MALRD1: variants seen among roughly 807,000 people sequenced by gnomAD.
MALRD1 encodes the protein MAM and LDL-receptor class A domain-containing protein 1.
Under a neutral mutation model 242.1 loss-of-function variants are expected in MALRD1, and 247 were observed. The observed-to-expected ratio is 1.02, with a 90% CI of 0.92 to 1.13. MALRD1 has a LOEUF of 1.13. Among genes scored for constraint, MALRD1 ranks in the 50% most tolerant of loss-of-function variants. The probability of loss-of-function intolerance (pLI) is 0.00; values close to 1 mark genes in which losing one functional copy is unlikely to be tolerated. For missense variants in MALRD1, 2,989 were observed against 2,533.1 expected (o/e 1.18, Z -3.86); for synonymous variants, 995 against 866.6 (o/e 1.15, Z -2.60).
intron 5 of MALRD1, among the ~76,000 whole-genome samples, chr10:19,105,964 G>A (rs1836447764): frequency 6.6e-6 from 1 of 151,754 alleles, no homozygotes; most frequent in South Asian, 2.1e-4. Context: ...TGATCCTGTA[G>A]GTTGTCTCTT....
chr10:19,480,535 TC>T (rs1175955567), intron 29 of MALRD1, among the ~76,000 whole-genome samples: 3 of 152,218 alleles, frequency 2.0e-5, no homozygotes, highest in African/African-American at 7.2e-5. Context: ...GAAGGCATTT[TC>T]GGCATATCAG....
intron 19 of MALRD1, among the ~76,000 whole-genome samples, chr10:19,262,523 G>T (rs1361284285): frequency 6.6e-6 from 1 of 152,002 alleles, no homozygotes; most frequent in East Asian, 1.9e-4. Flanking sequence ...GGGCATGGTG[G>T]CACACACTTG....
Position 19,240,377 on chromosome 10 carries a change from T to C in MALRD1, c.2992-17307T>C, listed in dbSNP as rs550982748. On this transcript the variant is annotated intron_variant, in intron 18 of 39. Transcript: ENST00000454679. Reference sequence around the variant, plus strand: ...AATTTATTTATTATTTCTAGTAGTTTTTGGTCAAGTCTTTAGGGTTCTCAC... The same window carrying C: ...AATTTATTTATTATTTCTAGTAGTTCTTGGTCAAGTCTTTAGGGTTCTCAC... Among the ~76,000 whole-genome samples the C allele has an allele frequency of 8.5e-5, 13 of 152,140 alleles. No individual in the cohort carries two copies. The South Asian group carries it at 2.7e-3, about 32-fold the overall frequency.
At chr10:19,649,317 C>T (rs116718338) in intron 36 of MALRD1, among the ~76,000 whole-genome samples, 6,382 of 152,266 alleles carry the variant, frequency 0.042, 412 homozygotes, top group African/African-American at 0.14. Flanking sequence ...CACCACAGTG[C>T]TTTCCAGAAT....
chr10:19,437,606 T>C (rs2130969442), intron 28 of MALRD1, among the ~76,000 whole-genome samples: 1 of 152,228 alleles, frequency 6.6e-6, no homozygotes, highest in Admixed American at 6.5e-5. Flanking sequence ...GCTTGTCTTT[T>C]CACTCACAAT....
intron 28 of MALRD1, among the ~76,000 whole-genome samples, chr10:19,424,921 C>T (rs1833849791): frequency 6.8e-6 from 1 of 146,870 alleles, no homozygotes; most frequent in Admixed American, 6.8e-5. Flanking sequence ...TCAAAAGAAC[C>T]AAAGAGTGAA....
At chr10:19,552,091 T>C (rs1471465634) in intron 32 of MALRD1, among the ~76,000 whole-genome samples, 1 of 152,152 alleles carries the variant, frequency 6.6e-6, no homozygotes, top group Non-Finnish European at 1.5e-5. Context: ...GGTATCAGGA[T>C]GATGCTGGCC....
intron 8 of MALRD1, among the ~76,000 whole-genome samples, chr10:19,129,212 T>C (rs1837377378): frequency 6.6e-6 from 1 of 152,100 alleles, no homozygotes; most frequent in African/African-American, 2.4e-5. Context: ...AAGCTTCCTA[T>C]TGTGCCTCTT....
At chr10:19,423,187 A>G (rs1461919919) in intron 28 of MALRD1, among the ~76,000 whole-genome samples, 3 of 152,064 alleles carry the variant, frequency 2.0e-5, no homozygotes, top group African/African-American at 7.2e-5. Context: ...TCAGATTGCA[A>G]TTTATATTGT....
chr10:19,398,103 T>G (rs1846668971), intron 28 of MALRD1, among the ~76,000 whole-genome samples: 1 of 152,196 alleles, frequency 6.6e-6, no homozygotes, highest in South Asian at 2.1e-4. Context: ...TTTATACCAT[T>G]CTGTAGATTG....
At chr10:19,104,124 A>G (rs975198881) in intron 5 of MALRD1, 49 bp downstream of exon 5, 1 of 1,027,082 alleles carries the variant, frequency 9.7e-7, no homozygotes. Context: ...TAAAGATTTC[A>G]GTGCAATTTA....
chr10:19,292,074 C>G lies in MALRD1; in HGVS notation c.3419+8893C>G, dbSNP rs530857618. On this transcript the variant is annotated intron_variant, in intron 21 of 39. Transcript: ENST00000454679. ...CTCCAGCCTGGATGACAGAGCAAGACCGTCTCAAAAAAAAAAAAAAAAAAA... is the reference window on the plus strand; with the variant it reads ...CTCCAGCCTGGATGACAGAGCAAGAGCGTCTCAAAAAAAAAAAAAAAAAAA... Among the ~76,000 whole-genome samples, 5 of 105,626 alleles carry G rather than the reference C, an allele frequency of 4.7e-5. No homozygotes were observed. The Admixed American group carries it at 5.0e-4, about 11-fold the overall frequency. 69.3% of individuals were successfully genotyped at this position (105,626 alleles called of 152,430 possible). A position where few individuals can be genotyped will look rare whatever the true frequency, so the allele number is the denominator to read the frequency against.
chr10:19,729,973 G>T (rs11011329), intron 38 of MALRD1, among the ~76,000 whole-genome samples: 2 of 151,672 alleles, frequency 1.3e-5, no homozygotes, highest in Non-Finnish European at 2.9e-5. Flanking sequence ...TCCTGACCTC[G>T]TGATCCGCCC....
chr10:19,171,759 A>G (rs1834977437), intron 13 of MALRD1, among the ~76,000 whole-genome samples: 1 of 132,942 alleles, frequency 7.5e-6, no homozygotes, highest in African/African-American at 2.7e-5. Flanking sequence ...TACGATATAT[A>G]TACACATATA....
intron 19 of MALRD1, among the ~76,000 whole-genome samples, chr10:19,277,819 C>A (rs1840605728): frequency 6.6e-6 from 1 of 152,190 alleles, no homozygotes; most frequent in Non-Finnish European, 1.5e-5. Context: ...GCATGTAAAT[C>A]CCCAGTCCTC....
chr10:19,730,726 A>G lies in MALRD1; in HGVS notation c.6335A>G (p.Asn2112Ser), dbSNP rs1183709429. 1.3e-6 allele frequency: 2 copies of G among 1,536,684 alleles called. No individual in the cohort carries two copies. Among genetic ancestry groups the G allele is most frequent in the Non-Finnish European group, 1.7e-6 (2 of 1,147,038 alleles). The part of the protein sequence containing the change: ...VPIRKTEGSG[N>S]CAFVNPVYGN... ...TTAAGGAAAACCGAGGGAAGTGGTA[A>G]CTGTGCCTTTGTCAATCCAGTTTAC... is the stretch of plus-strand genomic sequence containing the variant. Residue 2112 changes from asparagine (N) to serine (S), a missense_variant, in exon 39 of 40, where the codon AAC becomes AGC. Transcript: ENST00000454679.
At chr10:19,376,560 T>A (rs1280217323) in intron 26 of MALRD1, among the ~76,000 whole-genome samples, 1 of 144,040 alleles carries the variant, frequency 6.9e-6, no homozygotes, top group Non-Finnish European at 1.5e-5. Context: ...TTTTTTTTTT[T>A]TTTTTTTTTT....
intron 33 of MALRD1, 82 bp downstream of exon 33, chr10:19,567,785 AT>A: frequency 8.3e-7 from 1 of 1,209,318 alleles, no homozygotes; most frequent in Non-Finnish European, 1.2e-6. Flanking sequence ...TTTCTGAGGA[AT>A]TACATTTATT....
At chr10:19,690,828 G>C (rs994938934) in intron 36 of MALRD1, among the ~76,000 whole-genome samples, 24 of 151,678 alleles carry the variant, frequency 1.6e-4, no homozygotes, top group African/African-American at 5.8e-4. Context: ...TAGATAGATA[G>C]ACAGACAGAC....
Sources: gnomAD v4.1 joint callset for allele counts (sites outside exome capture counted in the v4.1 genomes callset) on GRCh38, gnomAD v4.1.1 for gene constraint, MANE v1.5 for transcripts, NCBI Gene and HGNC (gene_info 2026-07-23, HGNC 2026-07-21) for gene names.